Variants in CCR3 observed in about 807,000 individuals in gnomAD.
The protein encoded by CCR3 is C-C motif chemokine receptor 3.
For synonymous variants in CCR3, 203 were observed against 179.2 expected, an observed-to-expected ratio of 1.13 and a Z score of -1.06; for missense variants, 419 against 437.5, an observed-to-expected ratio of 0.96 and a Z score of 0.38.
chr3:46,217,454 A>G (rs1418004181), intron 2 of CCR3, among the ~76,000 whole-genome samples: 1 of 152,188 alleles, frequency 6.6e-6, no homozygotes, highest in Non-Finnish European at 1.5e-5. Context: ...TGTACCCTAG[A>G]ACAAATGGAC....
At chr3:46,235,070 A>G (rs1483813932) in intron 2 of CCR3, among the ~76,000 whole-genome samples, 2 of 152,252 alleles carry the variant, frequency 1.3e-5, no homozygotes, top group East Asian at 3.8e-4. Context: ...TGGAAAGAAT[A>G]GCTGGGAAGC....
chr3:46,223,230 T>C (rs1699856530), intron 2 of CCR3, among the ~76,000 whole-genome samples: 1 of 152,140 alleles, frequency 6.6e-6, no homozygotes, highest in South Asian at 2.1e-4. Flanking sequence ...TGGACATCTG[T>C]AATCCCAGCA....
At chr3:46,224,669 G>A (rs1338852465) in intron 2 of CCR3, among the ~76,000 whole-genome samples, 2 of 150,382 alleles carry the variant, frequency 1.3e-5, no homozygotes, top group Middle Eastern at 3.4e-3. Context: ...CCTGGGAGAC[G>A]GAGGTTGCAG....
At chr3:46,254,464 C>T (rs1013572184) in intron 1 of CCR3, among the ~76,000 whole-genome samples, 1 of 147,110 alleles carries the variant, frequency 6.8e-6, no homozygotes, top group Non-Finnish European at 1.5e-5. Context: ...AAGTATTTTT[C>T]CCCCCTGGGT....
chr3:46,225,532 T>G (rs563376062), intron 2 of CCR3, among the ~76,000 whole-genome samples: 39 of 152,354 alleles, frequency 2.6e-4, no homozygotes, highest in African/African-American at 8.4e-4. Context: ...TGTTCCCAGC[T>G]GCAAAGTATG....
chr3:46,232,012 T>C (rs751933487), intron 2 of CCR3, among the ~76,000 whole-genome samples: 13 of 152,140 alleles, frequency 8.5e-5, no homozygotes, highest in Non-Finnish European at 1.9e-4. Flanking sequence ...AGTGCATTGT[T>C]TTTGCATTTA....
intron 1 of CCR3, among the ~76,000 whole-genome samples, chr3:46,260,169 G>A (rs111679489): frequency 0.056 from 8,583 of 152,180 alleles, 794 homozygotes; most frequent in African/African-American, 0.2. Context: ...ACCTCCCACC[G>A]TGTGTCTCCC....
chr3:46,220,249 AC>A (rs1699821041), intron 2 of CCR3, among the ~76,000 whole-genome samples: 1 of 152,220 alleles, frequency 6.6e-6, no homozygotes, highest in South Asian at 2.1e-4. Context: ...GCCCAACATC[AC>A]TAATTATCAG....
rs771811216 is a variant in CCR3 at position 46,266,225 on chromosome 3, A to G, written c.1067A>G (p.Ter356TrpextTer15). 1.3e-6 allele frequency: 2 copies of G among 1,597,752 alleles called. No homozygotes were observed. Among genetic ancestry groups the G allele is most frequent in the Non-Finnish European group, 1.7e-6 (2 of 1,168,206 alleles). ...GAGCCGGAACTCTCTATTGTGTTTT[A>G]GGTCAGATGCAGAAAATTGCCTAAA... is the stretch of plus-strand genomic sequence containing the variant. The part of the protein sequence containing the change: ...TAEPELSIVF[*>W] Residue 356 changes from the stop codon to tryptophan, a stop_lost, in exon 2 of 2, where the codon TAG becomes TGG. Coordinates refer to ENST00000395940, the MANE Select transcript of CCR3 (RefSeq NM_178329.3).
intron 1 of CCR3, among the ~76,000 whole-genome samples, chr3:46,260,053 A>C (rs1009081454): frequency 4.6e-5 from 7 of 152,172 alleles, no homozygotes; most frequent in African/African-American, 1.4e-4. Flanking sequence ...ACAAGAGAAG[A>C]AGAGCTTGTG....
chr3:46,253,081 G>A (rs1474492521), intron 1 of CCR3, among the ~76,000 whole-genome samples: 1 of 151,998 alleles, frequency 6.6e-6, no homozygotes, highest in Non-Finnish European at 1.5e-5. Context: ...TTATAAGCTG[G>A]GGATTTTCAA....
intron 1 of CCR3, among the ~76,000 whole-genome samples, chr3:46,256,746 C>T (rs1342402915): frequency 1.3e-5 from 2 of 152,076 alleles, no homozygotes; most frequent in African/African-American, 4.8e-5. Flanking sequence ...TAATTGTGTG[C>T]ACCCAGCTTT....
At chr3:46,243,002 T>TATATATATAC (rs56773457) in intron 1 of CCR3, among the ~76,000 whole-genome samples, 2 of 123,738 alleles carry the variant, frequency 1.6e-5, no homozygotes, top group African/African-American at 6.5e-5. Context: ...TATATATATA[T>TATATATATAC]ACGCACACAC....
At chr3:46,223,118 C>T (rs1296703906) in intron 2 of CCR3, among the ~76,000 whole-genome samples, 1 of 152,204 alleles carries the variant, frequency 6.6e-6, no homozygotes, top group Non-Finnish European at 1.5e-5. Context: ...CTTTGGGAGG[C>T]TGAGGTGGGT....
chr3:46,261,392 T>G (rs1359416399), intron 1 of CCR3, among the ~76,000 whole-genome samples: 1 of 152,132 alleles, frequency 6.6e-6, no homozygotes, highest in Non-Finnish European at 1.5e-5. Flanking sequence ...AAAATCAGAT[T>G]CAGGAACATT....
chr3:46,225,506 T>C (rs1699884219), intron 2 of CCR3, among the ~76,000 whole-genome samples: 1 of 152,374 alleles, frequency 6.6e-6, no homozygotes, highest in Non-Finnish European at 1.5e-5. Context: ...TTTTTCATAA[T>C]GGCTGTATTA....
upstream of CCR3, among the ~76,000 whole-genome samples, chr3:46,241,166 G>GCTCTCTCTCTCTCT (rs58133632): frequency 3.7e-3 from 551 of 149,288 alleles, 2 homozygotes; most frequent in Middle Eastern, 0.014. Context: ...ATGTGTGTGC[G>GCTCTCTCTCTCTCT]CTCTCTCTCT....
intron 2 of CCR3, among the ~76,000 whole-genome samples, chr3:46,237,365 G>T (rs1460521406): frequency 6.6e-6 from 1 of 152,138 alleles, no homozygotes; most frequent in African/African-American, 2.4e-5. Flanking sequence ...GGTTTGCATA[G>T]ATTTCTCCCA....
intron 1 of CCR3, among the ~76,000 whole-genome samples, chr3:46,242,955 A>ATATATATG (rs1700110547): frequency 9.4e-6 from 1 of 106,378 alleles, no homozygotes; most frequent in South Asian, 2.9e-4. Context: ...AATTTTACAT[A>ATATATATG]TATATGTGTA....
Sources: gnomAD v4.1 joint callset for allele counts (sites outside exome capture counted in the v4.1 genomes callset) on GRCh38, gnomAD v4.1.1 for gene constraint, MANE v1.5 for transcripts, NCBI Gene and HGNC (gene_info 2026-07-23, HGNC 2026-07-21) for gene names.